Variants in SMIM13 observed in about 807,000 individuals in gnomAD.
SMIM13 encodes the protein UPF0766 protein C6orf228.
Under a neutral mutation model 5.9 loss-of-function variants are expected in SMIM13, and 3 were observed. That is an observed-to-expected ratio of 0.51 (90% CI 0.23 to 1.31). The LOEUF is 1.31. Among genes scored for constraint, SMIM13 ranks in the 40% most tolerant of loss-of-function variants. SMIM13 has a pLI of 0.18. For missense variants in SMIM13, 85 were observed against 109.9 expected (o/e 0.77, Z 1.01); for synonymous variants, 55 against 46.0 (o/e 1.19, Z -0.79).
intron 1 of SMIM13, among the ~76,000 whole-genome samples, chr6:11,119,860 G>A (rs758806670): frequency 7.9e-5 from 12 of 152,170 alleles, no homozygotes; most frequent in Non-Finnish European, 1.3e-4. Flanking sequence ...TGATTTGATA[G>A]TGGTAACTCC....
At chr6:11,108,492 C>T (rs1210681724) in intron 1 of SMIM13, among the ~76,000 whole-genome samples, 1 of 152,112 alleles carries the variant, frequency 6.6e-6, no homozygotes. Context: ...GCAATTGGAG[C>T]ATGGAGAGCT....
At chr6:11,116,037 T>G (rs1758235442) in intron 1 of SMIM13, among the ~76,000 whole-genome samples, 3 of 89,226 alleles carry the variant, frequency 3.4e-5, no homozygotes, top group South Asian at 3.5e-4. Flanking sequence ...TTTTTTTTTT[T>G]GACAGAGTCT....
chr6:11,109,215 G>A (rs995409609), intron 1 of SMIM13, among the ~76,000 whole-genome samples: 1 of 152,212 alleles, frequency 6.6e-6, no homozygotes, highest in Non-Finnish European at 1.5e-5. Context: ...GGTGAGTTCA[G>A]ATGTTAAGCC....
At position 11,136,514 on chromosome 6, in the gene SMIM13, C is replaced by T. The variant is rs1758519301; in HGVS notation, c.*1912C>T. 1 of 152,124 alleles carries T rather than the reference C, an allele frequency of 6.6e-6. No individual in the cohort carries two copies. The highest frequency in any genetic ancestry group is 2.1e-4 in the South Asian group (1 of 4,834). 9.4% of individuals were successfully genotyped at this position (152,124 alleles called of 1,614,324 possible). ...TTATTATGTTTGATACCTCATACTT[C>T]TTGCTTAGAGTTTTGTTTAACAGTT... On this transcript the variant is annotated 3_prime_UTR_variant, in exon 2 of 2. Transcript: ENST00000416247.
At position 11,117,174 on chromosome 6, in the gene SMIM13, T is replaced by C. The variant is rs1454142392; in HGVS notation, c.77-17229T>C. Reference sequence around the variant, plus strand: ...CCCGGCTAATTTTTGTATTTTTTTTTTTTTTTTGAGACGGAGTCTCGCTCT... The same window carrying C: ...CCCGGCTAATTTTTGTATTTTTTTTCTTTTTTTGAGACGGAGTCTCGCTCT... On this transcript the variant is annotated intron_variant, in intron 1 of 1. Transcript: ENST00000416247. 5.6e-5 allele frequency among the ~76,000 whole-genome samples: 8 copies of C among 143,444 alleles called. No individual in the cohort carries two copies. In the South Asian group the frequency reaches 7.0e-4, roughly 13 times the overall value. The allele number at this position is 143,444 out of a possible 152,430, so 94.1% of individuals were successfully genotyped here. A position where few individuals can be genotyped will look rare whatever the true frequency, so the allele number is the denominator to read the frequency against.
In SMIM13 at chr6:11,136,239, G is replaced by T. The variant is rs547174013; in HGVS notation, c.*1637G>T. 2.0e-5 allele frequency: 3 copies of T among 152,128 alleles called. No individual in the cohort carries two copies. The highest frequency in any genetic ancestry group is 4.4e-5 in the Non-Finnish European group (3 of 68,012). The allele number at this position is 152,128 out of a possible 1,614,324, so 9.4% of individuals were successfully genotyped here. On this transcript the variant is annotated 3_prime_UTR_variant, in exon 2 of 2. Transcript: ENST00000416247. ...AAAACAGTAGTGGGTGAAAATTCCC[G>T]CTTAGCTGTAAAATGACTCTCTTGC...
chr6:11,111,624 T>A (rs1758168407), intron 1 of SMIM13: 1 of 152,270 alleles, frequency 6.6e-6, no homozygotes, highest in Admixed American at 6.5e-5. Context: ...CGAAACCACG[T>A]ACGAGGGTTG....
chr6:11,117,263 A>G (rs1316006947), intron 1 of SMIM13, among the ~76,000 whole-genome samples: 1 of 143,908 alleles, frequency 6.9e-6, no homozygotes, highest in Admixed American at 6.9e-5. Context: ...TCCCGGGTTC[A>G]CGCCATTCTC....
At chr6:11,094,447 G>GTT in intron 1 of SMIM13, 58 bp downstream of exon 1, 97 of 1,272,822 alleles carry the variant, frequency 7.6e-5, no homozygotes, top group South Asian at 1.8e-4. Flanking sequence ...GATCTGCTGG[G>GTT]GTTTTTTTTG....
At position 11,137,056 on chromosome 6, in the gene SMIM13, G is replaced by A. The variant is rs1250504261; in HGVS notation, c.*2454G>A. On this transcript the variant is annotated 3_prime_UTR_variant, in exon 2 of 2. Coordinates refer to ENST00000416247, the MANE Select transcript of SMIM13 (RefSeq NM_001135575.2). ...TGCCCCTGAAATCTACAAGGGTCAT[G>A]CCCAAATTAATACAGGTTAACCTTT... The A allele has an allele frequency of 6.6e-6, 1 of 152,066 alleles. No homozygotes were observed. Among genetic ancestry groups the A allele is most frequent in the African/African-American group, 2.4e-5 (1 of 41,420 alleles). 9.4% of individuals were successfully genotyped at this position (152,066 alleles called of 1,614,324 possible).
intron 1 of SMIM13, among the ~76,000 whole-genome samples, chr6:11,112,182 G>A (rs940858144): frequency 6.6e-6 from 1 of 151,798 alleles, no homozygotes; most frequent in Non-Finnish European, 1.5e-5. Context: ...GCCCTCTCCT[G>A]CCCTGCTCAT....
chr6:11,132,327 A>G (rs1174313557), intron 1 of SMIM13, among the ~76,000 whole-genome samples: 3 of 152,198 alleles, frequency 2.0e-5, no homozygotes, highest in Admixed American at 6.5e-5. Flanking sequence ...GTGGGAATGT[A>G]AAGTGTTGAA....
chr6:11,116,788 AATTG>A (rs1758245033), intron 1 of SMIM13, among the ~76,000 whole-genome samples: 1 of 152,008 alleles, frequency 6.6e-6, no homozygotes. Flanking sequence ...CCTTTGGTTT[AATTG>A]ATTGTTTTCT....
Position 11,134,781 on chromosome 6 carries a change from A to C in SMIM13, c.*179A>C, listed in dbSNP as rs79900662. The C allele has an allele frequency of 8.4e-4, 371 of 444,018 alleles. 3 individuals carry two copies. Among genetic ancestry groups the C allele is most frequent in the African/African-American group, 6.1e-3 (304 of 49,594 alleles). The allele number at this position is 444,018 out of a possible 1,614,324, so 27.5% of individuals were successfully genotyped here. ...ACTGAAACCAAATTGGACTATTATA[A>C]ATTTCATCTTAAAGATAATCTTTTG... On this transcript the variant is annotated 3_prime_UTR_variant, in exon 2 of 2. Transcript: ENST00000416247.
rs1758543161 is a variant in SMIM13 at position 11,138,529 on chromosome 6, A to G, written c.*3927A>G. On this transcript the variant is annotated 3_prime_UTR_variant, in exon 2 of 2. Transcript: ENST00000416247. The stretch of plus-strand genomic sequence containing the variant: ...ATGCATTGCCATCTTGCTGCTTGAC[A>G]ATAGGTTTATAAATAATTAGAATTA... 1 of 152,000 alleles carries G rather than the reference A, an allele frequency of 6.6e-6. No homozygotes were observed. Among genetic ancestry groups the G allele is most frequent in the Non-Finnish European group, 1.5e-5 (1 of 67,990 alleles). 9.4% of individuals were successfully genotyped at this position (152,000 alleles called of 1,614,324 possible).
chr6:11,112,299 T>A (rs892535286), intron 1 of SMIM13, among the ~76,000 whole-genome samples: 3 of 152,052 alleles, frequency 2.0e-5, no homozygotes, highest in African/African-American at 7.2e-5. Flanking sequence ...TCTCCCAGGC[T>A]GGAGTGCAGT....
At chr6:11,117,769 A>C (rs984617917) in intron 1 of SMIM13, among the ~76,000 whole-genome samples, 1 of 150,146 alleles carries the variant, frequency 6.7e-6, no homozygotes, top group African/African-American at 2.5e-5. Flanking sequence ...TTTCTTTTTA[A>C]GAGAGGGTCT....
intron 1 of SMIM13, among the ~76,000 whole-genome samples, chr6:11,133,456 A>T (rs565068652): frequency 6.6e-6 from 1 of 152,208 alleles, no homozygotes; most frequent in African/African-American, 2.4e-5. Flanking sequence ...CTGGATTAAC[A>T]CGGCTAGAAA....
intron 1 of SMIM13, among the ~76,000 whole-genome samples, chr6:11,114,753 C>T (rs1313940982): frequency 6.7e-6 from 1 of 149,130 alleles, no homozygotes; most frequent in South Asian, 2.2e-4. Flanking sequence ...CGTGTACCAC[C>T]ACACCCAGCT....
Sources: gnomAD v4.1 joint callset for allele counts (sites outside exome capture counted in the v4.1 genomes callset) on GRCh38, gnomAD v4.1.1 for gene constraint, MANE v1.5 for transcripts, NCBI Gene and HGNC (gene_info 2026-07-23, HGNC 2026-07-21) for gene names.